Variants in ATP2A3 observed in about 807,000 individuals in gnomAD.
ATP2A3 encodes ATPase sarcoplasmic/endoplasmic reticulum Ca2+ transporting 3.
Under a neutral mutation model 106.8 loss-of-function variants are expected in ATP2A3, and 61 were observed. That is an observed-to-expected ratio of 0.57 (90% CI 0.46 to 0.71). The LOEUF (loss-of-function observed/expected upper bound fraction) is 0.71. ATP2A3 is among the 30% of genes least tolerant of loss of function. ATP2A3 has a pLI of 0.00. For missense variants in ATP2A3, 1,201 were observed against 1,423.5 expected, an observed-to-expected ratio of 0.84 and a Z score of 2.52; for synonymous variants, 611 against 609.3, an observed-to-expected ratio of 1.00 and a Z score of -0.04.
chr17:3,960,317 A>G (rs560476718), intron 1 of ATP2A3, among the ~76,000 whole-genome samples: 1 of 152,350 alleles, frequency 6.6e-6, no homozygotes, highest in East Asian at 1.9e-4. Context: ...AGGGCAGCAA[A>G]TAAGGCCAGA....
At chr17:3,949,153 A>G (rs35371641) in intron 7 of ATP2A3, among the ~76,000 whole-genome samples, 3 of 146,914 alleles carry the variant, frequency 2.0e-5, no homozygotes, top group Non-Finnish European at 1.5e-5. Flanking sequence ...AAAAAAAAAA[A>G]GGAGTTCTGG....
intron 17 of ATP2A3, among the ~76,000 whole-genome samples, chr17:3,933,149 C>A (rs1405488607): frequency 1.3e-5 from 2 of 151,464 alleles, no homozygotes; most frequent in African/African-American, 4.9e-5. Flanking sequence ...GGCATGATGG[C>A]GGGTGCCTGT....
chr17:3,960,510 G>T (rs2055078485), intron 1 of ATP2A3, among the ~76,000 whole-genome samples: 1 of 152,342 alleles, frequency 6.6e-6, no homozygotes, highest in South Asian at 2.1e-4. Flanking sequence ...CCGACTCTCA[G>T]GTCACTGGGG....
At position 3,925,033 on chromosome 17, in the gene ATP2A3, G is replaced by A. The variant is rs1037291717; in HGVS notation, c.*389C>T. ...CAGAGGCACCAGTCACCAAGTGAAC[G>A]TCCAGCTTCCGAACAAGGGGGAGCA... On this transcript the variant is annotated 3_prime_UTR_variant, in exon 21 of 21. Coordinates refer to ENST00000397041, the MANE Select transcript of ATP2A3 (RefSeq NM_005173.4). This position sits in a 1 kb window ranked among gnomAD's most constrained non-coding sequence, Gnocchi z 4.2. 48 of 418,566 alleles carry A rather than the reference G, an allele frequency of 1.1e-4. No individual in the cohort carries two copies. Among genetic ancestry groups the A allele is most frequent in the East Asian group, 5.3e-4 (10 of 18,872 alleles). 25.9% of individuals were successfully genotyped at this position (418,566 alleles called of 1,614,324 possible). A position where few individuals can be genotyped will look rare whatever the true frequency, so the allele number is the denominator to read the frequency against.
intron 1 of ATP2A3, among the ~76,000 whole-genome samples, 168 bp downstream of exon 1, chr17:3,964,006 G>T (rs758739982): frequency 7.3e-4 from 111 of 151,934 alleles, no homozygotes; most frequent in Non-Finnish European, 1.4e-3. Flanking sequence ...CCCCGGCGCC[G>T]GCGAAGGTGG....
At chr17:3,944,592 G>A (rs1448669513) in intron 10 of ATP2A3, 112 bp downstream of exon 10, 10 of 1,085,982 alleles carry the variant, frequency 9.2e-6, no homozygotes, top group African/African-American at 1.6e-5. Flanking sequence ...CTCCCTGGGT[G>A]TGGCACTTCC....
intron 16 of ATP2A3, among the ~76,000 whole-genome samples, chr17:3,935,491 G>A (rs1044676997): frequency 3.3e-5 from 5 of 151,502 alleles, no homozygotes; most frequent in African/African-American, 4.9e-5. Flanking sequence ...TTGGAGATGA[G>A]CAGGTGAACC....
intron 14 of ATP2A3, among the ~76,000 whole-genome samples, chr17:3,938,964 C>T (rs989269155): frequency 6.6e-6 from 1 of 152,050 alleles, no homozygotes; most frequent in Non-Finnish European, 1.5e-5. Context: ...TCCAGGAGTT[C>T]AAGACTAGCC....
chr17:3,928,395 G>C lies in ATP2A3; in HGVS notation c.2980+268C>G. On this transcript the variant is annotated intron_variant, in intron 20 of 20. Transcript: ENST00000397041. This position sits in a 1 kb window ranked among gnomAD's most constrained non-coding sequence, Gnocchi z 6.1. ...CAGTGCCCTGGCCATGTAGGGGGTG[G>C]CAGGTGAAGACAGTGAGGCAGTGTG... 1.4e-6 allele frequency: 2 copies of C among 1,462,110 alleles called. No individual in the cohort carries two copies. The highest frequency in any genetic ancestry group is 1.4e-5 in the African/African-American group (1 of 71,590). 90.6% of individuals were successfully genotyped at this position (1,462,110 alleles called of 1,614,324 possible).
At chr17:3,932,809 G>C (rs111233968) in intron 17 of ATP2A3, among the ~76,000 whole-genome samples, 1 of 151,650 alleles carries the variant, frequency 6.6e-6, no homozygotes, top group Admixed American at 6.5e-5. Context: ...CCCAGTGACC[G>C]AGAGGACCAA....
Position 3,936,183 on chromosome 17 carries a change from A to C in ATP2A3, c.2524+84T>G. The C allele has an allele frequency of 6.5e-7, 1 of 1,528,128 alleles. No homozygotes were observed. The highest frequency in any genetic ancestry group is 1.7e-4 in the Middle Eastern group (1 of 5,894). 94.7% of individuals were successfully genotyped at this position (1,528,128 alleles called of 1,614,324 possible). ...GTTTCTACTGGCACAAGCCAGGCTGAGTCACACTGTCTGCAGCTTGCAAGC... is the reference window on the plus strand; with the variant it reads ...GTTTCTACTGGCACAAGCCAGGCTGCGTCACACTGTCTGCAGCTTGCAAGC... On this transcript the variant is annotated intron_variant, in intron 16 of 20. Coordinates refer to ENST00000397041, the MANE Select transcript of ATP2A3 (RefSeq NM_005173.4). This position sits in a 1 kb window ranked among gnomAD's most constrained non-coding sequence, Gnocchi z 5.4.
intron 1 of ATP2A3, among the ~76,000 whole-genome samples, chr17:3,957,627 C>T (rs2054856308): frequency 6.6e-6 from 1 of 151,978 alleles, no homozygotes; most frequent in South Asian, 2.1e-4. Context: ...ATTCTCCCCT[C>T]GCATGAATGA....
In ATP2A3 at chr17:3,924,586, G is replaced by A. The variant is rs530952721; in HGVS notation, c.*836C>T. The A allele has an allele frequency of 3.4e-5, 12 of 350,996 alleles. No homozygotes were observed. The highest frequency in any genetic ancestry group is 1.6e-4 in the East Asian group (2 of 12,202). The allele number at this position is 350,996 out of a possible 1,614,324, so 21.7% of individuals were successfully genotyped here. On this transcript the variant is annotated 3_prime_UTR_variant, in exon 21 of 21. Coordinates refer to ENST00000397041, the MANE Select transcript of ATP2A3 (RefSeq NM_005173.4). The surrounding 1 kb of genome is among the most constrained non-coding windows in gnomAD (Gnocchi z 6.4). The stretch of plus-strand genomic sequence containing the variant: ...CGGTGGTCTCAGGTACCAGGGACGC[G>A]GGTGGCAAGTTGGACCTCTGCGTGG...
intron 14 of ATP2A3, among the ~76,000 whole-genome samples, chr17:3,940,043 G>GTTTTTTTTTTTTTTTTTTTTTTTTTT (rs1294599615): frequency 2.3e-5 from 2 of 87,616 alleles, no homozygotes; most frequent in African/African-American, 5.7e-5. Context: ...TTTTTTTTTT[G>GTTTTTTTTTTTTTTTTTTTTTTTTTT]TTTTTTGTTT....
At position 3,924,977 on chromosome 17, in the gene ATP2A3, TAAG is replaced by T; in HGVS notation, c.*442_*444del. ...GCACGAAGAGAGAGGTCAGAGCCGG[TAAG>T]AAGGACCCCCAGAGTCCTCCGTCAG... is the stretch of plus-strand genomic sequence containing the variant. On this transcript the variant is annotated 3_prime_UTR_variant, in exon 21 of 21. Coordinates refer to ENST00000397041, the MANE Select transcript of ATP2A3 (RefSeq NM_005173.4). This position sits in a 1 kb window ranked among gnomAD's most constrained non-coding sequence, Gnocchi z 6.4. 1 of 386,964 alleles carries T rather than the reference TAAG, an allele frequency of 2.6e-6. No homozygotes were observed. The highest frequency in any genetic ancestry group is 5.1e-6 in the Non-Finnish European group (1 of 196,832). The allele number at this position is 386,964 out of a possible 1,614,324, so 24.0% of individuals were successfully genotyped here. A position where few individuals can be genotyped will look rare whatever the true frequency, so the allele number is the denominator to read the frequency against.
chr17:3,963,770 C>T (rs2144816973), intron 1 of ATP2A3, among the ~76,000 whole-genome samples: 1 of 152,336 alleles, frequency 6.6e-6, no homozygotes, highest in Admixed American at 6.5e-5. Flanking sequence ...GGAGGCCGAG[C>T]CTGAGTCTCC....
chr17:3,935,811 T>C (rs8068875), intron 16 of ATP2A3, among the ~76,000 whole-genome samples: 23,512 of 151,932 alleles, frequency 0.15, 2,011 homozygotes, highest in African/African-American at 0.21. Flanking sequence ...GTGCTGGGGT[T>C]ACAGGTGTGA....
intron 1 of ATP2A3, among the ~76,000 whole-genome samples, chr17:3,958,849 A>AATATATATGT (rs2054966411): frequency 1.2e-5 from 1 of 84,238 alleles, no homozygotes; most frequent in African/African-American, 5.6e-5. Context: ...CACATATATA[A>AATATATATGT]ATATATATAT....
At chr17:3,943,834 T>C (rs1376305858) in intron 10 of ATP2A3, among the ~76,000 whole-genome samples, 2 of 151,662 alleles carry the variant, frequency 1.3e-5, no homozygotes, top group African/African-American at 4.9e-5. Flanking sequence ...TCCCACCTGC[T>C]CTCCCTGGGG....
Sources: allele counts gnomAD v4.1 joint callset (sites outside exome capture counted in the v4.1 genomes callset), GRCh38; gene constraint gnomAD v4.1.1; non-coding constraint Gnocchi (gnomAD v3.1); transcripts MANE v1.5; gene names NCBI Gene and HGNC (gene_info 2026-07-23, HGNC 2026-07-21).